DOK7: variants seen among roughly 807,000 people sequenced by gnomAD.
DOK7 encodes docking protein 7.
Under a neutral mutation model 30.7 loss-of-function variants are expected in DOK7, and 32 were observed. The observed-to-expected ratio is 1.04, with a 90% CI of 0.79 to 1.40. DOK7 has a LOEUF of 1.40. Among genes scored for constraint, DOK7 ranks in the 40% most tolerant of loss-of-function variants. DOK7 has a pLI of 0.00. For synonymous variants in DOK7, 447 were observed against 324.1 expected, an observed-to-expected ratio of 1.38 and a Z score of -4.07; for missense variants, 1,007 against 699.2, an observed-to-expected ratio of 1.44 and a Z score of -4.97.
intron 3 of DOK7, among the ~76,000 whole-genome samples, chr4:3,474,189 G>A (rs1334047131): frequency 6.6e-6 from 1 of 152,162 alleles, no homozygotes; most frequent in Admixed American, 6.5e-5. Flanking sequence ...CTGGGGCTGT[G>A]AGCAGAGGTG....
chr4:3,500,245 C>G (rs1350873342), intron 6 of DOK7: 12 of 1,535,126 alleles, frequency 7.8e-6, no homozygotes, highest in Admixed American at 2.0e-5. Context: ...GCCGCTCCCC[C>G]CACAGGATCC....
At chr4:3,490,380 A>ATTCATTCCTTCCTT (rs1728207641) in intron 6 of DOK7, among the ~76,000 whole-genome samples, 1 of 28,822 alleles carries the variant, frequency 3.5e-5, no homozygotes, top group South Asian at 2.4e-3. Flanking sequence ...CCTTCCCCCC[A>ATTCATTCCTTCCTT]CCCCCTGCTC....
At chr4:3,464,537 G>A (rs770707234) in intron 2 of DOK7, among the ~76,000 whole-genome samples, 3 of 152,216 alleles carry the variant, frequency 2.0e-5, no homozygotes, top group Non-Finnish European at 4.4e-5. Context: ...CAGGGGACCT[G>A]GTATAGGAAG....
downstream of DOK7, among the ~76,000 whole-genome samples, chr4:3,495,913 C>A (rs1289074447): frequency 1.3e-5 from 2 of 152,160 alleles, no homozygotes; most frequent in Non-Finnish European, 2.9e-5. Context: ...GCTCAGGGGG[C>A]CTCGTGTGAG....
chr4:3,485,645 GCCGGTT>G lies in DOK7; in HGVS notation c.641_646del (p.Pro214_Val215del). 6.2e-7 allele frequency: 1 copy of G among 1,600,120 alleles called. No individual in the cohort carries two copies. On this transcript the variant is annotated inframe_deletion, in exon 5 of 7. Transcript: ENST00000340083. Reference sequence around the variant, plus strand: ...CCACCAAGGGCCCCTTTGGGCTGCGGCCGGTTCTACCAGGTGCGTGTGGGAGCCTGG... The same window carrying G: ...CCACCAAGGGCCCCTTTGGGCTGCGGCTACCAGGTGCGTGTGGGAGCCTGG...
rs1728775332 is a variant in DOK7, at chr4:3,494,393, C to T, written c.*892C>T. On this transcript the variant is annotated 3_prime_UTR_variant, in exon 7 of 7. Coordinates refer to ENST00000340083, the MANE Select transcript of DOK7 (RefSeq NM_173660.5). ...GCCCTGACCACAGCCCAGCAGCTCCCTGTGAACACCTCTTTGTCCCTTCAC... is the reference window on the plus strand; with the variant it reads ...GCCCTGACCACAGCCCAGCAGCTCCTTGTGAACACCTCTTTGTCCCTTCAC... 2.0e-6 allele frequency: 2 copies of T among 985,828 alleles called. No homozygotes were observed. Among genetic ancestry groups the T allele is most frequent in the South Asian group, 4.7e-5 (1 of 21,300 alleles). 61.1% of individuals were successfully genotyped at this position (985,828 alleles called of 1,614,324 possible).
chr4:3,473,554 G>A lies in DOK7; in HGVS notation c.249G>A (p.Leu83=). The change falls in exon 3 of 7, where the codon CTG becomes CTA. Residue 83 remains leucine, a synonymous_variant. Coordinates refer to ENST00000340083, the MANE Select transcript of DOK7 (RefSeq NM_173660.5). The stretch of plus-strand genomic sequence containing the variant: ...TCCACACGCTGGCCATTGTCTGCCT[G>A]TCCCAGGCCATCATGCTGGGCTTTG... ...GLVHTLAIVC[L]SQAIMLGFDS... 1.2e-6 allele frequency: 2 copies of A among 1,610,738 alleles called. No homozygotes were observed. Among genetic ancestry groups the A allele is most frequent in the Non-Finnish European group, 1.7e-6 (2 of 1,179,404 alleles).
chr4:3,492,942 C>A lies in DOK7; in HGVS notation c.956C>A (p.Pro319His), dbSNP rs376334067. Residue 319 changes from proline (P) to histidine (H), a missense_variant, in exon 7 of 7, where the codon CCC (proline) becomes CAC (histidine). Coordinates refer to ENST00000340083, the MANE Select transcript of DOK7 (RefSeq NM_173660.5). ...ATGGTGGGTGCCTCAAGGCCACCCCCCAAGCCGCTGCGTCCGCGGCAGCTG... is the reference window on the plus strand; with the variant it reads ...ATGGTGGGTGCCTCAAGGCCACCCCACAAGCCGCTGCGTCCGCGGCAGCTG... ...EAMVGASRPP[P>H]KPLRPRQLQE... 1.0e-4 allele frequency: 161 copies of A among 1,556,442 alleles called. No individual in the cohort carries two copies. In the African/African-American group the frequency reaches 1.1e-3, roughly 11 times the overall value.
At chr4:3,483,457 C>T (rs1465199212) in intron 4 of DOK7, among the ~76,000 whole-genome samples, 1 of 152,128 alleles carries the variant, frequency 6.6e-6, no homozygotes, top group Non-Finnish European at 1.5e-5. Flanking sequence ...GCATCTTCCT[C>T]CAGGGCCACT....
chr4:3,493,379 A>G lies in DOK7; in HGVS notation c.1393A>G (p.Thr465Ala), dbSNP rs765625554. ...VMEAPQGSEA[T>A]LPGPAPGEPW... ...GGAGGCCCCCCAGGGCAGCGAGGCC[A>G]CACTGCCTGGCCCTGCCCCTGGCGA... Residue 465 changes from threonine to alanine, a missense_variant, in exon 7 of 7, where the codon ACA (threonine) becomes GCA (alanine). Physicochemically the swap from Thr to Ala is moderately conservative, Grantham distance 58. Coordinates refer to ENST00000340083, the MANE Select transcript of DOK7 (RefSeq NM_173660.5). 9.4e-5 allele frequency: 150 copies of G among 1,595,050 alleles called. No individual in the cohort carries two copies. The highest frequency in any genetic ancestry group is 1.2e-4 in the Non-Finnish European group (140 of 1,171,532).
intron 6 of DOK7, among the ~76,000 whole-genome samples, chr4:3,490,626 C>CT (rs60694922): frequency 4.8e-5 from 4 of 83,378 alleles, no homozygotes; most frequent in Admixed American, 1.1e-4. Flanking sequence ...TCATTCCTTC[C>CT]CTCTCCGCCT....
chr4:3,465,739 G>A (rs1351281012), intron 2 of DOK7, among the ~76,000 whole-genome samples: 1 of 152,242 alleles, frequency 6.6e-6, no homozygotes, highest in Non-Finnish European at 1.5e-5. Flanking sequence ...GGACTGCAGG[G>A]TGCCCTGCAG....
chr4:3,472,443 C>G (rs78439748), intron 2 of DOK7, among the ~76,000 whole-genome samples: 42 of 152,328 alleles, frequency 2.8e-4, no homozygotes, highest in African/African-American at 9.6e-4. Flanking sequence ...TCGCCGAAGC[C>G]GGGTATCCTG....
intron 6 of DOK7, among the ~76,000 whole-genome samples, chr4:3,490,622 C>G (rs1728280445): frequency 8.9e-6 from 1 of 112,120 alleles, no homozygotes; most frequent in African/African-American, 3.3e-5. Context: ...TCGTTCATTC[C>G]TTCCCTCTCC....
intron 6 of DOK7, among the ~76,000 whole-genome samples, chr4:3,492,044 G>A (rs1005559399): frequency 6.6e-6 from 1 of 152,200 alleles, no homozygotes; most frequent in African/African-American, 2.4e-5. Context: ...TTGCCTTCCT[G>A]GGGGTGACTC....
At chr4:3,497,505 G>C (rs1024399000), downstream of DOK7, among the ~76,000 whole-genome samples, 1 of 152,156 alleles carries the variant, frequency 6.6e-6, no homozygotes, top group East Asian at 1.9e-4. Context: ...CTGAAGGTTG[G>C]GCAGGGCTGA....
intron 6 of DOK7, among the ~76,000 whole-genome samples, chr4:3,490,407 A>ATTCATTCCTTCTTTCCC (rs1728224430): frequency 2.8e-4 from 2 of 7,158 alleles, no homozygotes; most frequent in Admixed American, 1.3e-3. Flanking sequence ...TCCTTCTTTC[A>ATTCATTCCTTCTTTCCC]CCCCCCCCAC....
intron 2 of DOK7, among the ~76,000 whole-genome samples, chr4:3,468,540 A>ATGAGTGTGTGTGACTGTG (rs1560205458): frequency 2.1e-5 from 2 of 93,154 alleles, no homozygotes; most frequent in African/African-American, 1.1e-4. Flanking sequence ...CTGTGAGTGT[A>ATGAGTGTGTGTGACTGTG]TGTGTGTGTG....
intron 4 of DOK7, among the ~76,000 whole-genome samples, chr4:3,478,879 G>A (rs1474220363): frequency 2.6e-5 from 4 of 152,130 alleles, no homozygotes; most frequent in African/African-American, 9.7e-5. Flanking sequence ...TGTTCTCAAC[G>A]CAGCACTGAG....
Sources: gnomAD v4.1 joint callset for allele counts (sites outside exome capture counted in the v4.1 genomes callset) on GRCh38, gnomAD v4.1.1 for gene constraint, MANE v1.5 for transcripts, NCBI Gene and HGNC (gene_info 2026-07-23, HGNC 2026-07-21) for gene names.